KCNC4: variants seen among roughly 807,000 people sequenced by gnomAD.
KCNC4 encodes voltage-gated potassium channel KCNC4.
Under a neutral mutation model 42.8 loss-of-function variants are expected in KCNC4, and 23 were observed. The observed-to-expected ratio is 0.54, with a 90% CI of 0.39 to 0.76. The LOEUF is 0.76. Ranked by LOEUF, KCNC4 falls within the 30% of genes least tolerant of loss-of-function variation. KCNC4 has a pLI of 0.00. For synonymous variants in KCNC4, 422 were observed against 393.5 expected (o/e 1.07, Z -0.86); for missense variants, 751 against 898.2 (o/e 0.84, Z 2.10).
intron 1 of KCNC4, among the ~76,000 whole-genome samples, chr1:110,260,244 A>G (rs1033643447): frequency 2.6e-5 from 4 of 152,244 alleles, no homozygotes; most frequent in Non-Finnish European, 5.9e-5. Context: ...CATTTAGGGC[A>G]TAAGGGTGCT....
rs1458779231 is a variant in KCNC4, at chr1:110,265,367, TAAAATAAAATAAAATAA to T, written n.31-17164_31-17148del. Reference sequence around the variant, plus strand: ...GAAATAAAACATAAATAAAATAAAATAAAATAAAATAAAATAAAATAAAATAAAATAAAATAAAATAA... The same window carrying T: ...GAAATAAAACATAAATAAAATAAAATAATAAAATAAAATAAAATAAAATAA... On this transcript the variant is annotated intron_variant and non_coding_transcript_variant, in intron 1 of 2. Coordinates refer to the KCNC4 transcript ENST00000412512. Among the ~76,000 whole-genome samples, 4 of 45,586 alleles carry T rather than the reference TAAAATAAAATAAAATAA, an allele frequency of 8.8e-5. 1 individual carries two copies. Among genetic ancestry groups the T allele is most frequent in the Admixed American group, 7.2e-4 (3 of 4,176 alleles). The allele number at this position is 45,586 out of a possible 152,430, so 29.9% of individuals were successfully genotyped here. A position where few individuals can be genotyped will look rare whatever the true frequency, so the allele number is the denominator to read the frequency against.
Position 110,232,904 on chromosome 1 carries a change from AAC to A in KCNC4, c.1820-3_1820-2del. 2 of 1,610,212 alleles carry A rather than the reference AAC, an allele frequency of 1.2e-6. No individual in the cohort carries two copies. Among genetic ancestry groups the A allele is most frequent in the Non-Finnish European group, 1.7e-6 (2 of 1,178,406 alleles). ...CAGTGTCTCACACCTGTGCTCTTTA[AAC>A]ACAGAGACCTGCCAAGACGCCCTCT... is the stretch of plus-strand genomic sequence containing the variant. On this transcript the variant is annotated splice_polypyrimidine_tract_variant and splice_region_variant and intron_variant, in intron 3 of 3. Transcript: ENST00000438661.
chr1:110,270,208 G>T (rs532879821), intron 1 of KCNC4, among the ~76,000 whole-genome samples: 1 of 152,108 alleles, frequency 6.6e-6, no homozygotes, highest in African/African-American at 2.4e-5. Context: ...AAGTCATGCC[G>T]CCCTCAGACT....
chr1:110,263,043 C>T (rs1365678374), intron 1 of KCNC4, among the ~76,000 whole-genome samples: 1 of 152,210 alleles, frequency 6.6e-6, no homozygotes, highest in African/African-American at 2.4e-5. Flanking sequence ...TGTTTCATGA[C>T]CTGTTTGCAT....
intron 3 of KCNC4, 58 bp downstream of exon 3, chr1:110,226,236 C>CCCCCACCAAGAGCCTGAGGT (rs1557860800): frequency 6.6e-7 from 1 of 1,514,516 alleles, no homozygotes; most frequent in East Asian, 2.3e-5. Context: ...TCTCCCGAGT[C>CCCCCACCAAGAGCCTGAGGT]CCCCACCAAG....
At chr1:110,212,247 G>C (rs1021037214) in intron 1 of KCNC4, 70 bp downstream of exon 1, 52 of 1,344,574 alleles carry the variant, frequency 3.9e-5, no homozygotes, top group Non-Finnish European at 4.9e-5. Flanking sequence ...GTGGGTAGGG[G>C]CCGGGAGGAG....
chr1:110,230,683 C>T (rs558553349), intron 3 of KCNC4, among the ~76,000 whole-genome samples: 27 of 152,328 alleles, frequency 1.8e-4, no homozygotes, highest in South Asian at 1.7e-3. Context: ...CCTAATGCCT[C>T]GGGGAGCTGG....
intron 1 of KCNC4, among the ~76,000 whole-genome samples, chr1:110,218,482 T>G (rs1657923868): frequency 6.6e-6 from 1 of 152,112 alleles, no homozygotes; most frequent in Non-Finnish European, 1.5e-5. Context: ...TCCCACCCGT[T>G]ATCTCCTTTT....
chr1:110,232,246 C>T, intron 3 of KCNC4: 10 of 1,614,064 alleles, frequency 6.2e-6, no homozygotes, highest in Non-Finnish European at 8.5e-6. Context: ...GTGACCTTCC[C>T]CTTCAGCATT....
rs117665749 is a variant in KCNC4 at position 110,282,841 on chromosome 1, C to T, written n.152-160C>T. On this transcript the variant is annotated intron_variant and non_coding_transcript_variant, in intron 2 of 2. Transcript: ENST00000412512. ...CCTAAGAGACTGATGAACCTGAGTCCAGTAAAAAACTGGGAGACATGACTT... is the reference window on the plus strand; with the variant it reads ...CCTAAGAGACTGATGAACCTGAGTCTAGTAAAAAACTGGGAGACATGACTT... Among the ~76,000 whole-genome samples, 113 of 152,236 alleles carry T rather than the reference C, an allele frequency of 7.4e-4. 1 individual carries two copies. The East Asian group carries it at 0.016, about 22-fold the overall frequency.
chr1:110,266,201 A>G (rs187840468), intron 1 of KCNC4, among the ~76,000 whole-genome samples: 1 of 152,362 alleles, frequency 6.6e-6, no homozygotes, highest in Admixed American at 6.5e-5. Context: ...GGACACAAGT[A>G]CTGGCTTTGT....
intron 3 of KCNC4, among the ~76,000 whole-genome samples, chr1:110,229,988 G>A (rs558215598): frequency 3.3e-5 from 5 of 152,318 alleles, no homozygotes; most frequent in East Asian, 1.9e-4. Context: ...GCAGGGCAGC[G>A]TCGGGGCTGG....
At chr1:110,278,584 TGTGA>T (rs1344906457) in intron 1 of KCNC4, among the ~76,000 whole-genome samples, 1 of 152,182 alleles carries the variant, frequency 6.6e-6, no homozygotes, top group Admixed American at 6.5e-5. Flanking sequence ...TTCCCTTTGG[TGTGA>T]GTATTAAAAA....
intron 1 of KCNC4, among the ~76,000 whole-genome samples, chr1:110,256,314 G>T (rs2101071003): frequency 6.6e-6 from 1 of 152,314 alleles, no homozygotes; most frequent in Middle Eastern, 3.4e-3. Context: ...AGAGCACCCA[G>T]ATCTCTCCAG....
chr1:110,215,721 C>G (rs992311566), intron 1 of KCNC4, among the ~76,000 whole-genome samples: 4 of 152,218 alleles, frequency 2.6e-5, no homozygotes, highest in Non-Finnish European at 4.4e-5. Flanking sequence ...CCTGTGCTTT[C>G]TGCTACTACT....
chr1:110,256,830 T>C, intron 1 of KCNC4: 1 of 157,122 alleles, frequency 6.4e-6, no homozygotes. Flanking sequence ...CTGCAGTGTT[T>C]GAAGGAAGGA....
In KCNC4 at chr1:110,268,624, A is replaced by AAAAAG. The variant is rs1553218082; in HGVS notation, n.31-13907_31-13906insAGAAA. Among the ~76,000 whole-genome samples the AAAAAG allele has an allele frequency of 6.2e-3, 907 of 147,334 alleles. 15 individuals are homozygous for AAAAAG. The highest frequency in any genetic ancestry group is 0.022 in the African/African-American group (871 of 39,180). ...CTGTCTCAAAAGAAAAAAAAAAAAA[A>AAAAAG]AAAGAAAAGAAAAGAAAAAAAAAGA... is the stretch of plus-strand genomic sequence containing the variant. On this transcript the variant is annotated intron_variant and non_coding_transcript_variant, in intron 1 of 2. Transcript: ENST00000412512.
intron 1 of KCNC4, among the ~76,000 whole-genome samples, chr1:110,275,496 C>T (rs1269192142): frequency 6.6e-6 from 1 of 152,150 alleles, no homozygotes; most frequent in Non-Finnish European, 1.5e-5. Flanking sequence ...TGATCCAGCA[C>T]TTCTACTACT....
chr1:110,273,321 A>C (rs1386006764), intron 1 of KCNC4, among the ~76,000 whole-genome samples: 1 of 152,228 alleles, frequency 6.6e-6, no homozygotes, highest in East Asian at 1.9e-4. Context: ...ACCTTCACTA[A>C]ATCATGAGTT....
Sources: gnomAD v4.1 joint callset for allele counts (sites outside exome capture counted in the v4.1 genomes callset) on GRCh38, gnomAD v4.1.1 for gene constraint, MANE v1.5 for transcripts, NCBI Gene and HGNC (gene_info 2026-07-23, HGNC 2026-07-21) for gene names.